The following EHMT2 variants were observed in gnomAD, a reference collection of about 807,000 sequenced individuals.
The protein encoded by EHMT2 is histone-lysine N-methyltransferase EHMT2.
A neutral mutation model predicts 143.3 loss-of-function variants in EHMT2; 59 were observed. The observed-to-expected ratio is 0.41, with a 90% CI of 0.33 to 0.51. The LOEUF is 0.51. EHMT2 is among the 20% of genes least tolerant of loss of function. EHMT2 has a pLI of 0.18. For missense variants in EHMT2, 1,174 were observed against 1,645.9 expected, an observed-to-expected ratio of 0.71 and a Z score of 4.96; for synonymous variants, 604 against 651.5, an observed-to-expected ratio of 0.93 and a Z score of 1.11.
At chr6:31,893,166 TAA>T (rs763994426) in intron 4 of EHMT2, 2 of 535,700 alleles carry the variant, frequency 3.7e-6, no homozygotes, top group Non-Finnish European at 6.6e-6. Flanking sequence ...CAAAGCTTAA[TAA>T]AGTTAAAAGA....
At chr6:31,882,607 A>T in intron 25 of EHMT2, 92 bp downstream of exon 25, 2 of 1,259,148 alleles carry the variant, frequency 1.6e-6, no homozygotes, top group Non-Finnish European at 2.3e-6. Flanking sequence ...CATGTGACTC[A>T]TCAGGGCAGA....
chr6:31,880,152 G>A lies in EHMT2; in HGVS notation c.3565C>T (p.Leu1189=). 1 of 1,612,996 alleles carries A rather than the reference G, an allele frequency of 6.2e-7. No homozygotes were observed. Among genetic ancestry groups the A allele is most frequent in the South Asian group, 1.1e-5 (1 of 91,078 alleles). ...TCAGGGTGTGGGTCCAGGCGGGCCA[G>A]ACGGCTCTGCTCCAGGGCAATGGCT... Residue 1189 remains leucine, a synonymous_variant, in exon 28 of 28, where the codon CTG becomes TTG. Coordinates refer to ENST00000375537, the Ensembl canonical transcript of EHMT2. This position sits in a 1 kb window ranked among gnomAD's most constrained non-coding sequence, Gnocchi z 6.6.
intron 5 of EHMT2, 33 bp from the exon 6 acceptor site, chr6:31,892,767 T>C: frequency 6.2e-7 from 1 of 1,613,054 alleles, no homozygotes; most frequent in Non-Finnish European, 8.5e-7. Context: ...GTGGGGCCTA[T>C]CACCGAAACC....
chr6:31,886,721 C>T, intron 17 of EHMT2, 39 bp from the exon 18 acceptor site: 5 of 1,613,852 alleles, frequency 3.1e-6, no homozygotes, highest in Non-Finnish European at 4.2e-6. Context: ...TGGGCTGGCA[C>T]CCCAAACCTG....
Position 31,888,101 on chromosome 6 carries a change from G to A in EHMT2, c.1685C>T (p.Ala562Val). Residue 562 changes from alanine to valine, a missense_variant, in exon 13 of 28, where the codon GCT becomes GTT. Coordinates refer to ENST00000375537, the Ensembl canonical transcript of EHMT2. This position sits in a 1 kb window ranked among gnomAD's most constrained non-coding sequence, Gnocchi z 7.4. The stretch of plus-strand genomic sequence containing the variant: ...CTGGGACAGGGGTGGGGGTGCAGGA[G>A]CTGCAGTGCCGGCCGGTGGGGTCAC... The A allele has an allele frequency of 6.2e-7, 1 of 1,610,796 alleles. No homozygotes were observed. Among genetic ancestry groups the A allele is most frequent in the Non-Finnish European group, 8.5e-7 (1 of 1,178,960 alleles).
intron 6 of EHMT2, 31 bp downstream of exon 6, chr6:31,892,663 G>C (rs1005179982): frequency 6.2e-7 from 1 of 1,612,926 alleles, no homozygotes; most frequent in African/African-American, 1.3e-5. Flanking sequence ...AGCAGCCCCC[G>C]AGGGGTAGAG....
chr6:31,892,541 G>C, exon 7 of EHMT2: 1 of 1,612,958 alleles, frequency 6.2e-7, no homozygotes, highest in Non-Finnish European at 8.5e-7. Flanking sequence ...CCTGAACGCC[G>C]GGCAGAACCT....
chr6:31,892,755 G>C (rs749983768), intron 5 of EHMT2, 21 bp from the exon 6 acceptor site: 3 of 1,613,082 alleles, frequency 1.9e-6, no homozygotes, highest in South Asian at 1.1e-5. Flanking sequence ...AGAGAGAATG[G>C]TGTGGGGCCT....
At position 31,880,820 on chromosome 6, in the gene EHMT2, C is replaced by T; in HGVS notation, c.3305G>A (p.Arg1102His). 6.2e-7 allele frequency: 1 copy of T among 1,613,854 alleles called. No individual in the cohort carries two copies. Among genetic ancestry groups the T allele is most frequent in the Non-Finnish European group, 8.5e-7 (1 of 1,180,012 alleles). The stretch of plus-strand genomic sequence containing the variant: ...GAAGCGGCTGATGTTGCCATAGTAA[C>T]GGGCATCTATGCAGTACACCTCTCC... Residue 1102 changes from arginine to histidine, a missense_variant, in exon 27 of 28, where the codon CGT (arginine) becomes CAT (histidine). By Grantham distance (29) the Arg-to-His change is conservative. Transcript: ENST00000375537. The surrounding 1 kb of genome is among the most constrained non-coding windows in gnomAD (Gnocchi z 6.6).
intron 25 of EHMT2, 125 bp downstream of exon 25, chr6:31,882,574 G>A: frequency 2.1e-6 from 2 of 958,970 alleles, no homozygotes; most frequent in Non-Finnish European, 3.2e-6. Flanking sequence ...GAGGAGGCTG[G>A]CTGGAGAGTG....
In EHMT2 at chr6:31,889,620, C is replaced by T. The variant is rs2151633434; in HGVS notation, c.865-18G>A. On this transcript the variant is annotated intron_variant, in intron 7 of 27. Transcript: ENST00000375537. The surrounding 1 kb of genome is among the most constrained non-coding windows in gnomAD (Gnocchi z 5.1). ...ACTTCAGACTGGGAGAGAGGCAGAA[C>T]AGACATATCCAACCCCCAGGACTCA... The T allele has an allele frequency of 6.2e-7, 1 of 1,608,354 alleles. No individual in the cohort carries two copies. The highest frequency in any genetic ancestry group is 8.5e-7 in the Non-Finnish European group (1 of 1,179,960).
At chr6:31,887,798 C>G (rs1350938013) in exon 14 of EHMT2, 1 of 1,602,958 alleles carries the variant, frequency 6.2e-7, no homozygotes, top group Non-Finnish European at 8.5e-7. Flanking sequence ...TCCTGGATGA[C>G]CAGGGCCTTT....
In EHMT2 at chr6:31,881,245, G is replaced by C; in HGVS notation, c.3198-153C>G. On this transcript the variant is annotated intron_variant, in intron 25 of 27. Coordinates refer to ENST00000375537, the Ensembl canonical transcript of EHMT2. This position sits in a 1 kb window ranked among gnomAD's most constrained non-coding sequence, Gnocchi z 4.8. ...GGCCTGGAGCAGCAGTGGTGGGCAA[G>C]TGAAAGGGCAGCATTCCAGCCTTGA... is the stretch of plus-strand genomic sequence containing the variant. 1.4e-6 allele frequency: 1 copy of C among 701,328 alleles called. No individual in the cohort carries two copies. Among genetic ancestry groups the C allele is most frequent in the Non-Finnish European group, 2.6e-6 (1 of 390,900 alleles). 43.4% of individuals were successfully genotyped at this position (701,328 alleles called of 1,614,324 possible).
At chr6:31,891,259 G>A (rs1765646794) in intron 7 of EHMT2, among the ~76,000 whole-genome samples, 1 of 152,098 alleles carries the variant, frequency 6.6e-6, no homozygotes, top group Non-Finnish European at 1.5e-5. Flanking sequence ...TAAGACAAAT[G>A]TTAATCAAAT....
chr6:31,890,340 TCCA>T (rs934346824), intron 7 of EHMT2, among the ~76,000 whole-genome samples: 2 of 152,052 alleles, frequency 1.3e-5, no homozygotes, highest in African/African-American at 4.8e-5. Context: ...CACTGCAACC[TCCA>T]CCTCCTGGAT....
In EHMT2 at chr6:31,889,610, A is replaced by G; in HGVS notation, c.865-8T>C. ...TAGAGCTTCAACTTCAGACTGGGAG[A>G]GAGGCAGAACAGACATATCCAACCC... On this transcript the variant is annotated splice_polypyrimidine_tract_variant and splice_region_variant and intron_variant, in intron 7 of 27. Coordinates refer to ENST00000375537, the Ensembl canonical transcript of EHMT2. This position sits in a 1 kb window ranked among gnomAD's most constrained non-coding sequence, Gnocchi z 5.1. 1 of 1,609,426 alleles carries G rather than the reference A, an allele frequency of 6.2e-7. No individual in the cohort carries two copies. Among genetic ancestry groups the G allele is most frequent in the Non-Finnish European group, 8.5e-7 (1 of 1,179,944 alleles).
chr6:31,897,357 G>C, intron 1 of EHMT2: 1 of 435,790 alleles, frequency 2.3e-6, no homozygotes, highest in Non-Finnish European at 3.6e-6. Flanking sequence ...CCCCCAGCCC[G>C]GTGGACGGCC....
chr6:31,885,206 G>A (rs1331846837), intron 18 of EHMT2, 190 bp from the exon 19 acceptor site: 7 of 688,522 alleles, frequency 1.0e-5, no homozygotes, highest in Non-Finnish European at 1.6e-5. Context: ...GGTCGGGCGC[G>A]GTGGCTCATG....
Position 31,884,250 on chromosome 6 carries a change from G to C in EHMT2, c.2771+142C>G, listed in dbSNP as rs1445832074. ...TTTGCTGTATCTGGCAACCCTAGTG[G>C]GGAGGGGGCCTGTGGGTGGTTCTGG... On this transcript the variant is annotated intron_variant, in intron 21 of 27. Transcript: ENST00000375537. This position sits in a 1 kb window ranked among gnomAD's most constrained non-coding sequence, Gnocchi z 7.3. The C allele has an allele frequency of 4.0e-6, 4 of 989,604 alleles. No homozygotes were observed. In the East Asian group the frequency reaches 1.0e-4, roughly 26 times the overall value. 61.3% of individuals were successfully genotyped at this position (989,604 alleles called of 1,614,324 possible).
Sources: allele counts gnomAD v4.1 joint callset (sites outside exome capture counted in the v4.1 genomes callset), GRCh38; gene constraint gnomAD v4.1.1; non-coding constraint Gnocchi (gnomAD v3.1); transcripts MANE v1.5; gene names NCBI Gene and HGNC (gene_info 2026-07-23, HGNC 2026-07-21).